Variants in PCDHGA3 observed in about 807,000 individuals in gnomAD.
PCDHGA3 encodes protocadherin gamma-A3.
Under a neutral mutation model 58.5 loss-of-function variants are expected in PCDHGA3, and 40 were observed. The observed-to-expected ratio is 0.68, with a 90% CI of 0.53 to 0.89. The LOEUF is 0.89. Among genes scored for constraint, PCDHGA3 ranks in the 40% least tolerant of loss-of-function variants. The pLI is 0.00. For missense variants in PCDHGA3, 1,223 were observed against 1,195.9 expected, an observed-to-expected ratio of 1.02 and a Z score of -0.33; for synonymous variants, 530 against 525.7, an observed-to-expected ratio of 1.01 and a Z score of -0.11.
At chr5:141,430,948 A>C (rs753305931) in intron 1 of PCDHGA3, 47 of 1,609,938 alleles carry the variant, frequency 2.9e-5, no homozygotes, top group Non-Finnish European at 4.0e-5. Context: ...CGGAGCGCGG[A>C]GTCCGCATCA....
intron 1 of PCDHGA3, among the ~76,000 whole-genome samples, chr5:141,453,823 G>A (rs2154564414): frequency 6.6e-6 from 1 of 152,250 alleles, no homozygotes; most frequent in South Asian, 2.1e-4. Flanking sequence ...GACAAACTTG[G>A]CTGCTAGCCC....
rs1471215172 is a variant in PCDHGA3 at position 141,511,840 on chromosome 5, TCTG to T, written c.*668_*670del. 1 of 156,722 alleles carries T rather than the reference TCTG, an allele frequency of 6.4e-6. No homozygotes were observed. Among genetic ancestry groups the T allele is most frequent in the African/African-American group, 2.4e-5 (1 of 41,448 alleles). The allele number at this position is 156,722 out of a possible 1,614,324, so 9.7% of individuals were successfully genotyped here. A position where few individuals can be genotyped will look rare whatever the true frequency, so the allele number is the denominator to read the frequency against. On this transcript the variant is annotated 3_prime_UTR_variant, in exon 4 of 4. Coordinates refer to ENST00000253812, the MANE Select transcript of PCDHGA3 (RefSeq NM_018916.4). ...TTCCCAACGCCCTGGGGACCAGTCTTCTGTTTTGTTTTTCATTGTTTGACGTTT... is the reference window on the plus strand; with the variant it reads ...TTCCCAACGCCCTGGGGACCAGTCTTTTTTGTTTTTCATTGTTTGACGTTT...
chr5:141,372,798 A>T (rs900906773), intron 1 of PCDHGA3: 2 of 1,597,288 alleles, frequency 1.3e-6, no homozygotes, highest in Non-Finnish European at 1.7e-6. Flanking sequence ...TAATTCAGGC[A>T]ATTTGCAAAA....
At chr5:141,372,631 G>C (rs1768931705) in intron 1 of PCDHGA3, 1 of 1,613,884 alleles carries the variant, frequency 6.2e-7, no homozygotes, top group Non-Finnish European at 8.5e-7. Context: ...TACAGCGAAA[G>C]GACTTTGCCT....
chr5:141,475,950 C>A, intron 1 of PCDHGA3: 1 of 761,530 alleles, frequency 1.3e-6, no homozygotes, highest in African/African-American at 1.7e-5. Flanking sequence ...CCCCTTTCTG[C>A]GCCCCGGGAT....
intron 1 of PCDHGA3, chr5:141,422,184 A>T: frequency 6.4e-7 from 1 of 1,561,838 alleles, no homozygotes; most frequent in Non-Finnish European, 8.6e-7. Context: ...ATGAGATGGA[A>T]ATTCAAGGCC....
chr5:141,503,924 G>C (rs1282755998), intron 2 of PCDHGA3, among the ~76,000 whole-genome samples: 1 of 152,146 alleles, frequency 6.6e-6, no homozygotes, highest in Non-Finnish European at 1.5e-5. Flanking sequence ...CACACACACA[G>C]ACATTTTCAT....
intron 1 of PCDHGA3, chr5:141,422,941 G>C (rs777535652): frequency 1.2e-6 from 2 of 1,614,218 alleles, no homozygotes; most frequent in Non-Finnish European, 1.7e-6. Context: ...CCCCACAGAC[G>C]GCTCCACTGG....
At chr5:141,394,436 C>T in intron 1 of PCDHGA3, 1 of 1,614,234 alleles carries the variant, frequency 6.2e-7, no homozygotes, top group South Asian at 1.1e-5. Context: ...GGGACCCGCC[C>T]CTCAGCAGCA....
rs2099735960 is a variant in PCDHGA3 at position 141,491,997 on chromosome 5, G to A, written c.2425-2810G>A. On this transcript the variant is annotated intron_variant, in intron 1 of 3. Transcript: ENST00000253812. The surrounding 1 kb of genome is among the most constrained non-coding windows in gnomAD (Gnocchi z 6.9). ...CCTTCGAGCTTCCGGTGAATTTCGG[G>A]CGATTTCCGCGGGTGTCGGGGGTCC... The A allele has an allele frequency of 1.5e-6, 1 of 671,074 alleles. No homozygotes were observed. The allele number at this position is 671,074 out of a possible 1,614,324, so 41.6% of individuals were successfully genotyped here.
intron 1 of PCDHGA3, among the ~76,000 whole-genome samples, chr5:141,460,951 G>GTATA (rs200454978): frequency 7.9e-5 from 11 of 139,774 alleles, no homozygotes; most frequent in Middle Eastern, 3.7e-3. Context: ...TATGTATTAT[G>GTATA]TATATATATA....
At chr5:141,350,967 C>T (rs778914376) in intron 1 of PCDHGA3, 1 of 1,614,094 alleles carries the variant, frequency 6.2e-7, no homozygotes, top group Non-Finnish European at 8.5e-7. Flanking sequence ...AATGATAATG[C>T]TCCCGTGTTT....
intron 1 of PCDHGA3, chr5:141,421,239 G>A (rs773410079): frequency 6.3e-7 from 1 of 1,599,000 alleles, no homozygotes; most frequent in South Asian, 1.1e-5. Context: ...TGGCGAATCG[G>A]CTACAGCGCG....
At chr5:141,423,084 G>C (rs1427825232) in intron 1 of PCDHGA3, 2 of 1,613,942 alleles carry the variant, frequency 1.2e-6, no homozygotes, top group Non-Finnish European at 1.7e-6. Flanking sequence ...GACTCTTCGC[G>C]GTGGGGGAGC....
At chr5:141,423,003 G>A (rs779233337) in intron 1 of PCDHGA3, 1 of 1,614,208 alleles carries the variant, frequency 6.2e-7, no homozygotes, top group African/African-American at 1.3e-5. Flanking sequence ...TGACCAAGGT[G>A]GTTGCGGTGG....
intron 1 of PCDHGA3, chr5:141,375,677 G>A (rs1171088976): frequency 1.2e-6 from 2 of 1,614,236 alleles, no homozygotes; most frequent in South Asian, 1.1e-5. Context: ...ACAGCTGTGG[G>A]TGACAGCCAG....
Position 141,485,804 on chromosome 5 carries a change from G to A in PCDHGA3, c.2425-9003G>A. 6.2e-7 allele frequency: 1 copy of A among 1,614,218 alleles called. No individual in the cohort carries two copies. On this transcript the variant is annotated intron_variant, in intron 1 of 3. Coordinates refer to ENST00000253812, the MANE Select transcript of PCDHGA3 (RefSeq NM_018916.4). This position sits in a 1 kb window ranked among gnomAD's most constrained non-coding sequence, Gnocchi z 5.7. The stretch of plus-strand genomic sequence containing the variant: ...AGAGAAGCAATCGGACTACCGCCTG[G>A]TGCTGACTGCTGTCGATGGAGGGAA...
intron 1 of PCDHGA3, chr5:141,428,221 G>A (rs1314522513): frequency 5.9e-6 from 7 of 1,177,278 alleles, no homozygotes; most frequent in Non-Finnish European, 8.6e-6. Context: ...CCTAGTCTTC[G>A]CAGACAGCCT....
chr5:141,415,740 G>GTTTTTTTTTTTTTTTTTTTGTTT, intron 1 of PCDHGA3: 1 of 617,992 alleles, frequency 1.6e-6, no homozygotes, highest in Non-Finnish European at 2.1e-6. Flanking sequence ...GTTTATTAAG[G>GTTTTTTTTTTTTTTTTTTTGTTT]TTTTTTTTTT....
Sources: allele counts gnomAD v4.1 joint callset (sites outside exome capture counted in the v4.1 genomes callset), GRCh38; gene constraint gnomAD v4.1.1; non-coding constraint Gnocchi (gnomAD v3.1); transcripts MANE v1.5; gene names NCBI Gene and HGNC (gene_info 2026-07-23, HGNC 2026-07-21).